The following CCDC141 variants were observed in gnomAD, a reference collection of about 807,000 sequenced individuals.
CCDC141 encodes the protein coiled-coil domain-containing protein 141.
A neutral mutation model predicts 181.0 loss-of-function variants in CCDC141; 168 were observed. The observed-to-expected ratio is 0.93, with a 90% CI of 0.82 to 1.05. The LOEUF is 1.05. Among genes scored for constraint, CCDC141 ranks in the 50% least tolerant of loss-of-function variants. CCDC141 has a pLI of 0.00. For missense variants in CCDC141, 1,902 were observed against 1,788.5 expected (o/e 1.06, Z -1.14); for synonymous variants, 666 against 642.3 (o/e 1.04, Z -0.56).
chr2:178,872,018 A>AT, intron 13 of CCDC141, 115 bp downstream of exon 13: 1 of 1,033,674 alleles, frequency 9.7e-7, no homozygotes, highest in Non-Finnish European at 1.4e-6. Context: ...GAATCACACG[A>AT]TATTTATCCT....
At chr2:179,035,955 A>T (rs74822380) in intron 2 of CCDC141, among the ~76,000 whole-genome samples, 1 of 152,220 alleles carries the variant, frequency 6.6e-6, no homozygotes, top group African/African-American at 2.4e-5. Context: ...AAAGTTGCCA[A>T]AAGAGTTGAC....
At chr2:178,853,362 A>G in intron 20 of CCDC141, 79 bp downstream of exon 20, 9 of 1,323,306 alleles carry the variant, frequency 6.8e-6, no homozygotes, top group Non-Finnish European at 9.5e-6. Flanking sequence ...GACTTGCCAC[A>G]CTCTTGCTGT....
intron 11 of CCDC141, among the ~76,000 whole-genome samples, chr2:178,884,658 A>C (rs544791633): frequency 6.6e-6 from 1 of 152,162 alleles, no homozygotes; most frequent in Non-Finnish European, 1.5e-5. Context: ...CACAGGTCAC[A>C]GGTGCTCCTG....
rs1363342857 is a variant in CCDC141, at chr2:178,836,896, T to C, written c.4323A>G (p.Thr1441=). 2.5e-6 allele frequency: 4 copies of C among 1,603,492 alleles called. No homozygotes were observed. The highest frequency in any genetic ancestry group is 2.3e-5 in the South Asian group (2 of 88,764). The part of the protein sequence containing the change: ...EVTGFPEPTL[T]WYKKGQKLSA... ...GCTTGTCATTATAGGCTACCCACCA[T>C]GTCAGTGTAGGCTCTGGAAATCCTG... The change falls in exon 23 of 24, where the codon ACA becomes ACG. Residue 1441 remains threonine (T), a splice_region_variant and synonymous_variant. Coordinates refer to ENST00000443758, the MANE Select transcript of CCDC141 (RefSeq NM_173648.4).
At chr2:178,952,021 G>C (rs1689970598) in intron 5 of CCDC141, among the ~76,000 whole-genome samples, 1 of 152,198 alleles carries the variant, frequency 6.6e-6, no homozygotes, top group African/African-American at 2.4e-5. Context: ...ACTATAATAA[G>C]TATAAGTGAT....
intron 2 of CCDC141, among the ~76,000 whole-genome samples, chr2:179,015,332 C>CATATCCCATATATGTATCATAT (rs2042448663): frequency 7.2e-6 from 1 of 138,234 alleles, no homozygotes; most frequent in African/African-American, 2.7e-5. Context: ...ATGTATCATA[C>CATATCCCATATATGTATCATAT]ATATCTCATA....
intron 21 of CCDC141, among the ~76,000 whole-genome samples, chr2:178,845,947 G>A (rs1684922131): frequency 6.6e-6 from 1 of 152,144 alleles, no homozygotes; most frequent in South Asian, 2.1e-4. Context: ...CTTTGATAGA[G>A]TTCATTGCCA....
chr2:178,981,355 A>G (rs1026939343), intron 2 of CCDC141, among the ~76,000 whole-genome samples: 2 of 150,482 alleles, frequency 1.3e-5, no homozygotes, highest in African/African-American at 4.9e-5. Flanking sequence ...GCCATAAAAC[A>G]TACCTTACCA....
chr2:178,991,519 G>A (rs1164504879), intron 2 of CCDC141, among the ~76,000 whole-genome samples: 2 of 152,202 alleles, frequency 1.3e-5, no homozygotes, highest in East Asian at 3.9e-4. Flanking sequence ...TAGAATGATG[G>A]TTACCAGAGG....
intron 20 of CCDC141, among the ~76,000 whole-genome samples, chr2:178,850,755 A>T (rs952701604): frequency 5.9e-5 from 9 of 152,200 alleles, no homozygotes; most frequent in African/African-American, 1.9e-4. Flanking sequence ...ATCTTTTCCA[A>T]CTGGGTTTCT....
At chr2:178,893,799 T>TCTCA (rs1473539323) in intron 8 of CCDC141, among the ~76,000 whole-genome samples, 5,531 of 143,694 alleles carry the variant, frequency 0.038, 307 homozygotes, top group South Asian at 0.19. Flanking sequence ...TCTCTCTCTC[T>TCTCA]CACACACACA....
chr2:178,866,489 G>T (rs775554312), intron 16 of CCDC141, among the ~76,000 whole-genome samples: 9 of 152,082 alleles, frequency 5.9e-5, no homozygotes, highest in Non-Finnish European at 1.3e-4. Context: ...AACAACAACA[G>T]ATAATTTGTA....
chr2:178,943,540 G>C (rs111715355), intron 6 of CCDC141, among the ~76,000 whole-genome samples: 1,755 of 152,244 alleles, frequency 0.012, 18 homozygotes, highest in Non-Finnish European at 0.018. Context: ...TGTCTAGCCT[G>C]TATTCAACTA....
chr2:178,963,412 T>TG (rs1051460775), intron 4 of CCDC141, among the ~76,000 whole-genome samples: 7 of 151,852 alleles, frequency 4.6e-5, no homozygotes, highest in Middle Eastern at 3.4e-3. Context: ...TCAAATATAC[T>TG]GTTTTTTTTT....
At chr2:178,860,561 T>TTTG (rs1685566395) in intron 17 of CCDC141, among the ~76,000 whole-genome samples, 1 of 134,152 alleles carries the variant, frequency 7.5e-6, no homozygotes, top group Non-Finnish European at 1.6e-5. Context: ...TTTTTTTTTT[T>TTTG]TTTTTTTTTT....
At chr2:178,936,663 T>C (rs993400349) in intron 6 of CCDC141, among the ~76,000 whole-genome samples, 1 of 152,196 alleles carries the variant, frequency 6.6e-6, no homozygotes, top group African/African-American at 2.4e-5. Flanking sequence ...AGAATAGCAT[T>C]GAATCTGTAA....
chr2:178,978,437 T>A, intron 3 of CCDC141, 47 bp downstream of exon 3: 2 of 1,195,794 alleles, frequency 1.7e-6, no homozygotes, highest in Non-Finnish European at 2.2e-6. Flanking sequence ...GGAGTGCTAT[T>A]CATTTGCTCT....
At chr2:178,906,563 A>T (rs1216000032) in intron 7 of CCDC141, among the ~76,000 whole-genome samples, 1 of 152,178 alleles carries the variant, frequency 6.6e-6, no homozygotes, top group East Asian at 1.9e-4. Flanking sequence ...GTTCCATACC[A>T]ATCTGGAAAA....
intron 2 of CCDC141, chr2:179,002,113 C>T (rs572358689): frequency 9.9e-6 from 2 of 201,474 alleles, no homozygotes; most frequent in East Asian, 1.6e-4. Flanking sequence ...CCACTGCTCC[C>T]GGCCAAAGTT....
Sources: gnomAD v4.1 joint callset for allele counts (sites outside exome capture counted in the v4.1 genomes callset) on GRCh38, gnomAD v4.1.1 for gene constraint, MANE v1.5 for transcripts, NCBI Gene and HGNC (gene_info 2026-07-23, HGNC 2026-07-21) for gene names.